EPHA6: variants seen among roughly 807,000 people sequenced by gnomAD.
EPHA6 encodes ephrin type-A receptor 6.
EPHA6 carries 50 observed loss-of-function variants against 112.0 expected under a neutral mutation model. That is an observed-to-expected ratio of 0.45 (90% CI 0.36 to 0.56). EPHA6 has a LOEUF of 0.56. EPHA6 is among the 20% of genes least tolerant of loss of function. The pLI is 0.00. For synonymous variants in EPHA6, 529 were observed against 490.7 expected (o/e 1.08, Z -1.03); for missense variants, 1,280 against 1,417.4 (o/e 0.90, Z 1.56).
chr3:97,015,836 A>G (rs2044246102), intron 3 of EPHA6, among the ~76,000 whole-genome samples: 2 of 152,208 alleles, frequency 1.3e-5, no homozygotes, highest in Admixed American at 1.3e-4. Context: ...TAATTTATTT[A>G]AAAATTAGAA....
At chr3:96,981,228 G>A (rs1180758898) in intron 2 of EPHA6, among the ~76,000 whole-genome samples, 7 of 152,116 alleles carry the variant, frequency 4.6e-5, no homozygotes, top group South Asian at 2.1e-4. Flanking sequence ...CGTCCCATCA[G>A]TACCTAATTT....
At chr3:97,684,125 A>G (rs962741764) in intron 14 of EPHA6, among the ~76,000 whole-genome samples, 2 of 152,172 alleles carry the variant, frequency 1.3e-5, no homozygotes, top group African/African-American at 4.8e-5. Flanking sequence ...CCATGAAAAT[A>G]TATGTTCACT....
intron 3 of EPHA6, among the ~76,000 whole-genome samples, chr3:97,127,099 A>G (rs370498757): frequency 1.4e-4 from 21 of 152,202 alleles, no homozygotes; most frequent in African/African-American, 5.1e-4. Flanking sequence ...TAAGTTTTAC[A>G]TGACACAAAA....
At chr3:97,229,064 G>A (rs753149038) in intron 4 of EPHA6, among the ~76,000 whole-genome samples, 1 of 152,030 alleles carries the variant, frequency 6.6e-6, no homozygotes, top group African/African-American at 2.4e-5. Flanking sequence ...TTTTTGATGG[G>A]ATTATTTGGT....
intron 3 of EPHA6, chr3:96,994,118 G>T: frequency 4.2e-6 from 1 of 237,128 alleles, no homozygotes; most frequent in Non-Finnish European, 8.7e-6. Context: ...GCACAAAAGA[G>T]GGCAGTAGAC....
chr3:97,000,292 C>CACAT (rs1553685590), intron 3 of EPHA6, among the ~76,000 whole-genome samples: 1 of 147,902 alleles, frequency 6.8e-6, no homozygotes, highest in Non-Finnish European at 1.5e-5. Flanking sequence ...CACACACACA[C>CACAT]ATATATATAG....
At chr3:97,195,994 T>C (rs897316403) in intron 3 of EPHA6, among the ~76,000 whole-genome samples, 3 of 152,016 alleles carry the variant, frequency 2.0e-5, no homozygotes, top group African/African-American at 7.2e-5. Flanking sequence ...CTTGGTGTTC[T>C]ATACCCTTCT....
At position 97,088,568 on chromosome 3, in the gene EPHA6, G is replaced by A. The variant is rs151044483; in HGVS notation, c.1114+100575G>A. On this transcript the variant is annotated intron_variant, in intron 3 of 17. Transcript: ENST00000389672. ...TCTTAGTCTTGTTTCTTACCTTCCT[G>A]CACCTGAAGACACAGATTTCCTGAG... Among the ~76,000 whole-genome samples the A allele has an allele frequency of 9.4e-4, 143 of 152,190 alleles. 1 individual carries two copies. The highest frequency in any genetic ancestry group is 6.8e-3 in the Middle Eastern group (2 of 294).
rs1335508365 is a variant in EPHA6 at position 97,531,453 on chromosome 3, CT to C, written c.2201-904del. 2.6e-5 allele frequency among the ~76,000 whole-genome samples: 4 copies of C among 151,974 alleles called. No homozygotes were observed. In the South Asian group the frequency reaches 8.3e-4, roughly 32 times the overall value. ...ACTTCCCTTACTCCTTTTATGCACA[CT>C]GTCTTGAATGTCCCTGCTTCTCTCA... On this transcript the variant is annotated intron_variant, in intron 10 of 17. Transcript: ENST00000389672.
At chr3:97,733,940 G>A (rs2035146411) in intron 15 of EPHA6, among the ~76,000 whole-genome samples, 1 of 151,964 alleles carries the variant, frequency 6.6e-6, no homozygotes. Context: ...AGCATTTCTG[G>A]GGAGTGGTCA....
At chr3:96,946,194 T>A (rs755996272) in intron 2 of EPHA6, among the ~76,000 whole-genome samples, 1 of 152,162 alleles carries the variant, frequency 6.6e-6, no homozygotes, top group Non-Finnish European at 1.5e-5. Flanking sequence ...ATTATTATAC[T>A]TTAAGTTTTA....
At chr3:97,263,825 C>T (rs527591931) in intron 5 of EPHA6, among the ~76,000 whole-genome samples, 2 of 152,260 alleles carry the variant, frequency 1.3e-5, no homozygotes, top group South Asian at 2.1e-4. Context: ...CCAAAGGTCT[C>T]TGGCTCCTGG....
At chr3:97,373,446 T>G (rs1040175756) in intron 5 of EPHA6, among the ~76,000 whole-genome samples, 1 of 152,020 alleles carries the variant, frequency 6.6e-6, no homozygotes, top group African/African-American at 2.4e-5. Context: ...TGTCTAAGTT[T>G]CTAGCTACTG....
chr3:97,563,373 T>G (rs535850809), intron 11 of EPHA6, among the ~76,000 whole-genome samples: 1 of 152,238 alleles, frequency 6.6e-6, no homozygotes, highest in Non-Finnish European at 1.5e-5. Context: ...AAATGTTGAA[T>G]GTCCCACAGA....
chr3:97,230,838 A>C (rs1576730895), intron 4 of EPHA6, among the ~76,000 whole-genome samples: 1 of 152,128 alleles, frequency 6.6e-6, no homozygotes, highest in South Asian at 2.1e-4. Flanking sequence ...GTAAACCAGG[A>C]CAGGATTTGT....
chr3:97,231,813 TCTGGGC>T (rs2078534164), intron 4 of EPHA6, among the ~76,000 whole-genome samples: 1 of 152,202 alleles, frequency 6.6e-6, no homozygotes, highest in Non-Finnish European at 1.5e-5. Context: ...GAAATGTCTT[TCTGGGC>T]TTGGTGATGA....
chr3:97,116,548 C>A (rs2047893219), intron 3 of EPHA6, among the ~76,000 whole-genome samples: 1 of 151,648 alleles, frequency 6.6e-6, no homozygotes. Flanking sequence ...TGCTTCTATG[C>A]ATTTAAAAAA....
chr3:97,445,641 T>C (rs1022582286), intron 6 of EPHA6, among the ~76,000 whole-genome samples: 1 of 150,864 alleles, frequency 6.6e-6, no homozygotes, highest in African/African-American at 2.4e-5. Flanking sequence ...ACAACATATC[T>C]AACAGAAAGT....
At chr3:97,008,247 A>G (rs1240739357) in intron 3 of EPHA6, among the ~76,000 whole-genome samples, 1 of 152,008 alleles carries the variant, frequency 6.6e-6, no homozygotes, top group Non-Finnish European at 1.5e-5. Context: ...ACTCCAATCA[A>G]TCATAGGTTC....
Sources: allele counts gnomAD v4.1 joint callset (sites outside exome capture counted in the v4.1 genomes callset), GRCh38; gene constraint gnomAD v4.1.1; transcripts MANE v1.5; gene names NCBI Gene and HGNC (gene_info 2026-07-23, HGNC 2026-07-21).